The following ASAP1 variants were observed in gnomAD, a reference collection of about 807,000 sequenced individuals.
ASAP1 encodes the protein ArfGAP with SH3 domain, ankyrin repeat and PH domain 1.
In ASAP1, 43 loss-of-function variants were observed where a neutral mutation model predicts 145.2. That is an observed-to-expected ratio of 0.30 (90% CI 0.23 to 0.38). The LOEUF (loss-of-function observed/expected upper bound fraction) is 0.38, where lower values mean the gene tolerates loss of function less well. Among genes scored for constraint, ASAP1 ranks in the 10% least tolerant of loss-of-function variants. ASAP1 has a pLI of 1.00. For missense variants in ASAP1, 1,018 were observed against 1,355.3 expected, an observed-to-expected ratio of 0.75 and a Z score of 3.91; for synonymous variants, 546 against 515.5, an observed-to-expected ratio of 1.06 and a Z score of -0.80.
intron 2 of ASAP1, among the ~76,000 whole-genome samples, chr8:130,373,119 C>T (rs1305007891): frequency 1.1e-3 from 111 of 96,980 alleles, no homozygotes; most frequent in African/African-American, 4.0e-3. Flanking sequence ...TATACACACA[C>T]ACACACACAC....
intron 5 of ASAP1, among the ~76,000 whole-genome samples, chr8:130,213,038 C>T (rs1306673822): frequency 6.6e-6 from 1 of 152,188 alleles, no homozygotes; most frequent in South Asian, 2.1e-4. Flanking sequence ...TCTACCACAC[C>T]ACACTTTGAG....
intron 1 of ASAP1, among the ~76,000 whole-genome samples, chr8:130,418,884 C>G (rs1829599474): frequency 6.6e-6 from 1 of 151,988 alleles, no homozygotes; most frequent in Admixed American, 6.6e-5. Flanking sequence ...GGAGTGAAGT[C>G]TCAATCCCTG....
intron 2 of ASAP1, among the ~76,000 whole-genome samples, chr8:130,362,128 G>T (rs2138201106): frequency 6.6e-6 from 1 of 152,272 alleles, no homozygotes; most frequent in Admixed American, 6.5e-5. Context: ...CTTGCCATCA[G>T]GGAATTGGCT....
chr8:130,340,083 T>C (rs1020096093), intron 3 of ASAP1, among the ~76,000 whole-genome samples: 5 of 152,158 alleles, frequency 3.3e-5, no homozygotes, highest in African/African-American at 1.2e-4. Context: ...ATAAGTCCTG[T>C]CCTCAAAACA....
chr8:130,177,598 C>T (rs918641403), intron 9 of ASAP1, among the ~76,000 whole-genome samples: 1 of 152,096 alleles, frequency 6.6e-6, no homozygotes, highest in African/African-American at 2.4e-5. Flanking sequence ...TAATCCAGGT[C>T]TTCAATAAAC....
At chr8:130,337,882 A>T (rs955506036) in intron 3 of ASAP1, among the ~76,000 whole-genome samples, 5 of 152,258 alleles carry the variant, frequency 3.3e-5, no homozygotes, top group African/African-American at 1.2e-4. Context: ...AGTGACAGCC[A>T]GTTCCCCATG....
At chr8:130,319,488 TG>T (rs2137640347) in intron 3 of ASAP1, among the ~76,000 whole-genome samples, 1 of 152,234 alleles carries the variant, frequency 6.6e-6, no homozygotes, top group Non-Finnish European at 1.5e-5. Context: ...TGCAGGGCTA[TG>T]GGAACACTGA....
chr8:130,299,784 G>A (rs1023900906), intron 3 of ASAP1, among the ~76,000 whole-genome samples: 2 of 152,098 alleles, frequency 1.3e-5, no homozygotes, highest in African/African-American at 4.8e-5. Flanking sequence ...ATTCAGAGGA[G>A]AAAAATAAAT....
intron 12 of ASAP1, among the ~76,000 whole-genome samples, chr8:130,153,337 A>ATATATATATATATATATATATATATG (rs1565024389): frequency 5.8e-4 from 33 of 56,890 alleles, no homozygotes; most frequent in African/African-American, 2.0e-3. Context: ...TTTTAAATAT[A>ATATATATATATATATATATATATATG]TATATATATA....
intron 12 of ASAP1, among the ~76,000 whole-genome samples, chr8:130,153,335 A>ATATATATATATATATATATATATATATG (rs2097650844): frequency 1.5e-5 from 1 of 65,342 alleles, no homozygotes; most frequent in African/African-American, 6.8e-5. Flanking sequence ...CTTTTTAAAT[A>ATATATATATATATATATATATATATATG]TATATATATA....
At chr8:130,168,655 A>G (rs2097685152) in intron 10 of ASAP1, among the ~76,000 whole-genome samples, 1 of 152,194 alleles carries the variant, frequency 6.6e-6, no homozygotes, top group South Asian at 2.1e-4. Flanking sequence ...GCCTATTCAG[A>G]GTCAATTTTT....
chr8:130,085,202 C>T (rs1364968932), intron 25 of ASAP1, among the ~76,000 whole-genome samples: 3 of 152,190 alleles, frequency 2.0e-5, no homozygotes, highest in Admixed American at 6.5e-5. Context: ...AGTCTTAAGG[C>T]TACCATGAAC....
intron 27 of ASAP1, among the ~76,000 whole-genome samples, 199 bp from the exon 28 acceptor site, chr8:130,061,268 T>C (rs1002160627): frequency 6.6e-6 from 1 of 152,166 alleles, no homozygotes; most frequent in Non-Finnish European, 1.5e-5. Context: ...CAATTCATGA[T>C]TTTATGCTTC....
At chr8:130,263,431 A>G (rs927849118) in intron 3 of ASAP1, among the ~76,000 whole-genome samples, 3 of 152,242 alleles carry the variant, frequency 2.0e-5, no homozygotes, top group Non-Finnish European at 2.9e-5. Flanking sequence ...TAGAAAAAAG[A>G]TGCAACAAGC....
chr8:130,408,181 T>C (rs1192417965), intron 1 of ASAP1, among the ~76,000 whole-genome samples: 1 of 152,202 alleles, frequency 6.6e-6, no homozygotes, highest in Non-Finnish European at 1.5e-5. Flanking sequence ...CAACCCCTTA[T>C]TGTTGTTTTA....
intron 2 of ASAP1, among the ~76,000 whole-genome samples, chr8:130,366,527 G>C (rs891199627): frequency 6.6e-6 from 1 of 152,100 alleles, no homozygotes; most frequent in African/African-American, 2.4e-5. Flanking sequence ...ATTTTCCCCT[G>C]GGTACAGAGG....
rs757909304 is a variant in ASAP1, at chr8:130,058,057, C to T, written c.3212G>A (p.Arg1071Gln). The T allele has an allele frequency of 7.4e-6, 12 of 1,613,778 alleles. No individual in the cohort carries two copies. The highest frequency in any genetic ancestry group is 2.2e-5 in the South Asian group (2 of 91,082). ...CTGGCAGTCATAAATGGTCTTCACT[C>T]GCCTCACTTTATTTTTCCCCTTAAA... ...KINTGKNKVR[R>Q]VKTIYDCQAD... Residue 1071 changes from arginine to glutamine, a missense_variant, in exon 29 of 30, where the codon CGA becomes CAA. Arg to Gln is a conservative substitution (Grantham distance 43). This residue lies in a region of ASAP1 where 62 missense variants were observed against 97.8 expected (regional missense o/e 0.63). Transcript: ENST00000518721.
intron 3 of ASAP1, among the ~76,000 whole-genome samples, chr8:130,306,128 TTTTC>T (rs1822977638): frequency 6.6e-6 from 1 of 152,204 alleles, no homozygotes; most frequent in African/African-American, 2.4e-5. Context: ...AGCCATAAAT[TTTTC>T]ATATAAAGAA....
chr8:130,203,452 G>A (rs1435221657), intron 5 of ASAP1, among the ~76,000 whole-genome samples: 1 of 152,222 alleles, frequency 6.6e-6, no homozygotes, highest in East Asian at 1.9e-4. Context: ...GCACCAGGCT[G>A]GGCTGTAGGA....
Sources: gnomAD v4.1 joint callset for allele counts (sites outside exome capture counted in the v4.1 genomes callset) on GRCh38, gnomAD v4.1.1 for gene constraint, gnomAD v4.1.1 regional missense constraint, MANE v1.5 for transcripts, NCBI Gene and HGNC (gene_info 2026-07-23, HGNC 2026-07-21) for gene names.